Variants in CDH7 observed in about 807,000 individuals in gnomAD.
The protein encoded by CDH7 is cadherin-7.
CDH7 carries 25 observed loss-of-function variants against 71.8 expected under a neutral mutation model. The observed-to-expected ratio is 0.35, with a 90% CI of 0.25 to 0.49. The LOEUF is 0.49. Ranked by LOEUF, CDH7 falls within the 20% of genes least tolerant of loss-of-function variation. CDH7 has a pLI of 0.99. For missense variants in CDH7, 862 were observed against 974.6 expected, an observed-to-expected ratio of 0.88 and a Z score of 1.54; for synonymous variants, 381 against 363.8, an observed-to-expected ratio of 1.05 and a Z score of -0.54.
intron 2 of CDH7, among the ~76,000 whole-genome samples, chr18:65,797,055 T>G (rs1910942630): frequency 2.0e-5 from 3 of 152,132 alleles, no homozygotes; most frequent in Admixed American, 2.0e-4. Context: ...TGCCTGTTCC[T>G]CAGTTCCGTG....
chr18:65,847,258 G>T (rs1912966775), intron 7 of CDH7, among the ~76,000 whole-genome samples: 1 of 152,124 alleles, frequency 6.6e-6, no homozygotes, highest in Non-Finnish European at 1.5e-5. Flanking sequence ...TGTGACCTTT[G>T]TGCTTTACAC....
chr18:65,880,428 G>A lies in CDH7; in HGVS notation c.1892G>A (p.Arg631Lys), dbSNP rs1361620019. ...LVLILLIVTM[R>K]RRKKEPLIFD... ...TTGATCCTCCTTATCGTCACTATGA[G>A]AAGACGGAAAAAAGAGCCCCTTATT... Residue 631 changes from arginine (R) to lysine (K), a missense_variant, in exon 12 of 12, where the codon AGA (arginine) becomes AAA (lysine). Transcript: ENST00000397968. The A allele has an allele frequency of 1.9e-6, 3 of 1,553,440 alleles. No individual in the cohort carries two copies. In the East Asian group the frequency reaches 6.7e-5, roughly 35 times the overall value.
intron 2 of CDH7, among the ~76,000 whole-genome samples, chr18:65,800,029 CAA>C (rs1194221532): frequency 2.0e-5 from 3 of 152,076 alleles, no homozygotes; most frequent in African/African-American, 7.2e-5. Context: ...ATATATAAAA[CAA>C]ATCAAAACAG....
intron 11 of CDH7, chr18:65,863,489 G>C (rs1253661040): frequency 6.3e-6 from 1 of 158,620 alleles, no homozygotes; most frequent in Non-Finnish European, 1.4e-5. Context: ...ATGCTTTTTA[G>C]GATTAAAAAT....
chr18:65,819,396 T>A (rs1911837606), intron 4 of CDH7, among the ~76,000 whole-genome samples: 1 of 152,102 alleles, frequency 6.6e-6, no homozygotes, highest in Non-Finnish European at 1.5e-5. Flanking sequence ...AAAGTTGCTG[T>A]CCAAAACCAC....
At chr18:65,859,861 G>T in intron 10 of CDH7, 36 bp downstream of exon 10, 1 of 1,177,308 alleles carries the variant, frequency 8.5e-7, no homozygotes, top group Non-Finnish European at 1.3e-6. Flanking sequence ...AGAGGCAGCA[G>T]GTACAGATAC....
chr18:65,839,538 G>A (rs1912653553), intron 6 of CDH7, among the ~76,000 whole-genome samples: 2 of 152,122 alleles, frequency 1.3e-5, no homozygotes, highest in Admixed American at 1.3e-4. Context: ...TGGTTGGGGG[G>A]CGGACACAAA....
chr18:65,845,088 T>C (rs1290136482), intron 7 of CDH7, among the ~76,000 whole-genome samples: 1 of 150,964 alleles, frequency 6.6e-6, no homozygotes. Flanking sequence ...TTTATTGATT[T>C]TAAAAAGCCG....
At position 65,781,930 on chromosome 18, in the gene CDH7, C is replaced by T. The variant is rs372840698; in HGVS notation, c.210+18878C>T. Reference sequence around the variant, plus strand: ...TTTCTCTCTTTCTCTCTTTCTCTCTCTCTCTCTCTCTCTCTTTCTCTCTTT... The same window carrying T: ...TTTCTCTCTTTCTCTCTTTCTCTCTTTCTCTCTCTCTCTCTTTCTCTCTTT... On this transcript the variant is annotated intron_variant, in intron 2 of 11. Transcript: ENST00000397968. 5.9e-3 allele frequency among the ~76,000 whole-genome samples: 340 copies of T among 57,310 alleles called. 4 individuals are homozygous for T. Among genetic ancestry groups the T allele is most frequent in the Non-Finnish European group, 8.1e-3 (260 of 32,012 alleles). The allele number at this position is 57,310 out of a possible 152,430, so 37.6% of individuals were successfully genotyped here. A position where few individuals can be genotyped will look rare whatever the true frequency, so the allele number is the denominator to read the frequency against.
intron 10 of CDH7, 116 bp downstream of exon 10, chr18:65,859,941 A>T: frequency 3.1e-6 from 2 of 637,576 alleles, no homozygotes. Flanking sequence ...CAATAATTAA[A>T]GGGCAATGAG....
intron 2 of CDH7, among the ~76,000 whole-genome samples, chr18:65,775,584 C>G (rs998020361): frequency 2.0e-5 from 3 of 152,082 alleles, no homozygotes; most frequent in African/African-American, 7.2e-5. Flanking sequence ...TTTTGTCTTC[C>G]TTGGACCACG....
Position 65,880,814 on chromosome 18 carries a change from G to A in CDH7, c.2278G>A (p.Asp760Asn). 6.2e-7 allele frequency: 1 copy of A among 1,614,118 alleles called. No individual in the cohort carries two copies. Among genetic ancestry groups the A allele is most frequent in the Non-Finnish European group, 8.5e-7 (1 of 1,179,988 alleles). ...SISSNSDQNY[D>N]YLSDWGPRFK... ...CAGCTCAAACTCTGATCAGAACTATGACTACCTAAGTGACTGGGGACCTCG... is the reference window on the plus strand; with the variant it reads ...CAGCTCAAACTCTGATCAGAACTATAACTACCTAAGTGACTGGGGACCTCG... The change falls in exon 12 of 12, where the codon GAC (aspartate) becomes AAC (asparagine). Residue 760 changes from aspartate to asparagine, a missense_variant. Transcript: ENST00000397968.
chr18:65,850,530 G>C (rs1448150020), intron 7 of CDH7, among the ~76,000 whole-genome samples: 1 of 151,708 alleles, frequency 6.6e-6, no homozygotes, highest in African/African-American at 2.4e-5. Flanking sequence ...TGAATCAGCT[G>C]CAACTCTTCT....
chr18:65,826,089 A>C (rs1014233570), intron 6 of CDH7, among the ~76,000 whole-genome samples: 1 of 151,570 alleles, frequency 6.6e-6, no homozygotes, highest in African/African-American at 2.4e-5. Context: ...TTAGTAAGGG[A>C]AAAGTAAAAC....
intron 2 of CDH7, among the ~76,000 whole-genome samples, chr18:65,792,184 T>A (rs978538019): frequency 1.9e-3 from 224 of 116,742 alleles, no homozygotes; most frequent in African/African-American, 8.9e-3. Context: ...CTGCAGCCAG[T>A]CTTTTTTTTT....
intron 6 of CDH7, among the ~76,000 whole-genome samples, chr18:65,843,031 T>C (rs996419696): frequency 5.9e-5 from 9 of 152,152 alleles, no homozygotes; most frequent in Non-Finnish European, 1.2e-4. Flanking sequence ...ATGTTGTGTA[T>C]ATGATTTTTA....
intron 11 of CDH7, chr18:65,865,632 G>T (rs561040554): frequency 1.3e-5 from 2 of 152,224 alleles, no homozygotes; most frequent in Non-Finnish European, 2.9e-5. Flanking sequence ...TTTTAGCTCA[G>T]AAATGTGGTC....
chr18:65,810,051 G>T, intron 3 of CDH7, 53 bp downstream of exon 3: 8 of 1,385,792 alleles, frequency 5.8e-6, no homozygotes, highest in Non-Finnish European at 8.0e-6. Context: ...GGGGAGATTT[G>T]TATTTAAAAT....
intron 9 of CDH7, 36 bp downstream of exon 9, chr18:65,859,082 G>C (rs747724928): frequency 6.3e-7 from 1 of 1,599,844 alleles, no homozygotes; most frequent in South Asian, 1.1e-5. Flanking sequence ...TCTAATTTGT[G>C]GTTTCTTAAA....
Sources: allele counts gnomAD v4.1 joint callset (sites outside exome capture counted in the v4.1 genomes callset), GRCh38; gene constraint gnomAD v4.1.1; transcripts MANE v1.5; gene names NCBI Gene and HGNC (gene_info 2026-07-23, HGNC 2026-07-21).